GCN1: variants seen among roughly 807,000 people sequenced by gnomAD.
The protein encoded by GCN1 is stalled ribosome sensor GCN1.
A neutral mutation model predicts 288.4 loss-of-function variants in GCN1; 90 were observed. That is an observed-to-expected ratio of 0.31 (90% CI 0.26 to 0.37). The LOEUF is 0.37. Ranked by LOEUF, GCN1 falls within the 10% of genes least tolerant of loss-of-function variation. The pLI is 1.00. For missense variants in GCN1, 2,586 were observed against 3,419.9 expected (o/e 0.76, Z 6.08); for synonymous variants, 1,386 against 1,420.2 (o/e 0.98, Z 0.54).
chr12:120,175,126 C>CA (rs58560211), intron 12 of GCN1, 36 bp downstream of exon 12: 42,796 of 1,055,922 alleles, frequency 0.041, 96 homozygotes, highest in South Asian at 0.046. Context: ...GACTTTCTCT[C>CA]AAAAAAAAAA....
intron 2 of GCN1, 81 bp downstream of exon 2, chr12:120,190,215 ACT>A (rs1270182294): frequency 5.5e-6 from 4 of 730,788 alleles, no homozygotes; most frequent in Non-Finnish European, 9.0e-6. Context: ...ACAGTGAGAG[ACT>A]CTGTCTCAAA....
rs143029304 is a variant in GCN1 at position 120,149,903 on chromosome 12, G to A, written c.4431+19C>T. ...CATAAAGTTTCCATGCTGTTCTCCC[G>A]AGCAGTCCGGGGACTTACCTCACGC... On this transcript the variant is annotated intron_variant, in intron 35 of 57. Coordinates refer to ENST00000300648, the MANE Select transcript of GCN1 (RefSeq NM_006836.2). 6.2e-4 allele frequency: 1,003 copies of A among 1,613,920 alleles called. 3 individuals carry two copies. The African/African-American group carries it at 0.012, about 19-fold the overall frequency.
intron 7 of GCN1, among the ~76,000 whole-genome samples, chr12:120,178,195 G>A (rs1260599360): frequency 3.3e-5 from 5 of 152,164 alleles, no homozygotes; most frequent in African/African-American, 7.2e-5. Context: ...TTCCGTTGTG[G>A]AGTCTCACGA....
At chr12:120,181,465 C>CAAAAAAAAAAAAAAA (rs71072594) in intron 5 of GCN1, among the ~76,000 whole-genome samples, 1 of 74,040 alleles carries the variant, frequency 1.4e-5, no homozygotes, top group Non-Finnish European at 2.5e-5. Flanking sequence ...ATCTTTGTCT[C>CAAAAAAAAAAAAAAA]AAAAAAAAAA....
At chr12:120,143,475 G>A (rs751879199) in intron 42 of GCN1, among the ~76,000 whole-genome samples, 72 of 152,148 alleles carry the variant, frequency 4.7e-4, no homozygotes, top group Non-Finnish European at 8.5e-4. Flanking sequence ...CCAGCTACTC[G>A]GAAGGCTGAG....
Position 120,158,533 on chromosome 12 carries a change from C to T in GCN1, c.2832G>A (p.Ser944=), listed in dbSNP as rs114058958. The T allele has an allele frequency of 5.3e-4, 850 of 1,592,412 alleles. 5 individuals carry two copies. In the African/African-American group the frequency reaches 0.01, roughly 19 times the overall value. ...LDKSWCQEEL[S]VAVKRAVMLL... Reference sequence around the variant, plus strand: ...GCATCACCGCCCTCTTCACAGCCACCGACAGCTCTTCCTGGCACCAGGACT... The same window carrying T: ...GCATCACCGCCCTCTTCACAGCCACTGACAGCTCTTCCTGGCACCAGGACT... Residue 944 remains serine, a synonymous_variant, in exon 25 of 58, where the codon TCG becomes TCA. Coordinates refer to ENST00000300648, the MANE Select transcript of GCN1 (RefSeq NM_006836.2). This position sits in a 1 kb window ranked among gnomAD's most constrained non-coding sequence, Gnocchi z 4.3.
At chr12:120,174,571 T>G (rs1878416900) in intron 12 of GCN1, among the ~76,000 whole-genome samples, 1 of 151,886 alleles carries the variant, frequency 6.6e-6, no homozygotes, top group African/African-American at 2.4e-5. Flanking sequence ...GGCAGGTGCA[T>G]CATGAGGTCA....
At chr12:120,157,159 C>A in intron 26 of GCN1, 167 bp from the exon 27 acceptor site, 1 of 536,442 alleles carries the variant, frequency 1.9e-6, no homozygotes, top group Non-Finnish European at 3.3e-6. Flanking sequence ...AGGTGCTAAC[C>A]CCAGTCAACC....
At chr12:120,178,994 C>CT in intron 5 of GCN1, 44 bp from the exon 6 acceptor site, 1 of 1,504,254 alleles carries the variant, frequency 6.6e-7, no homozygotes, top group South Asian at 1.1e-5. Context: ...GGACATGAGA[C>CT]TGAGGGTCCC....
At chr12:120,149,291 G>A (rs1464875632) in intron 36 of GCN1, among the ~76,000 whole-genome samples, 1 of 152,094 alleles carries the variant, frequency 6.6e-6, no homozygotes, top group Non-Finnish European at 1.5e-5. Flanking sequence ...GGAGGCCAAG[G>A]CAGGAGGGTC....
chr12:120,163,030 T>TA (rs1282286202), intron 19 of GCN1, 40 bp downstream of exon 19: 1 of 1,613,420 alleles, frequency 6.2e-7, no homozygotes, highest in African/African-American at 1.3e-5. Context: ...CCCCATCCCC[T>TA]AAAGCTCTGG....
chr12:120,179,462 C>T lies in GCN1; in HGVS notation c.427-512G>A, dbSNP rs1216206276. ...TCGCCCAGGCTGGAGTGCAGTGGTG[C>T]GATCTCAGCTCACTGCAAGCTCCGC... is the stretch of plus-strand genomic sequence containing the variant. On this transcript the variant is annotated intron_variant, in intron 5 of 57. Coordinates refer to ENST00000300648, the MANE Select transcript of GCN1 (RefSeq NM_006836.2). 4.7e-5 allele frequency among the ~76,000 whole-genome samples: 7 copies of T among 149,116 alleles called. No homozygotes were observed. The Admixed American group carries it at 4.7e-4, about 10-fold the overall frequency.
At chr12:120,149,378 A>G (rs1413877448) in intron 36 of GCN1, among the ~76,000 whole-genome samples, 1 of 152,164 alleles carries the variant, frequency 6.6e-6, no homozygotes, top group Non-Finnish European at 1.5e-5. Flanking sequence ...TACAAAAATT[A>G]GCCAGGTGTA....
intron 16 of GCN1, 36 bp from the exon 17 acceptor site, chr12:120,164,757 A>G (rs879129877): frequency 7.0e-7 from 1 of 1,423,730 alleles, no homozygotes. Context: ...GTGTTTTTAA[A>G]ATAGTTAAGT....
chr12:120,179,377 C>T (rs1258501757), intron 5 of GCN1, among the ~76,000 whole-genome samples: 12 of 149,854 alleles, frequency 8.0e-5, no homozygotes, highest in African/African-American at 2.7e-4. Flanking sequence ...ACTACAGGTG[C>T]GTGCCACCAT....
rs149370531 is a variant in GCN1, at chr12:120,191,295, C to A, written c.19-895G>T. On this transcript the variant is annotated intron_variant, in intron 1 of 57. Transcript: ENST00000300648. Reference sequence around the variant, plus strand: ...GGTCTATAAACTGATGCTAACAAATCTTTAGCTTTCAACAGCCATCGAGTT... The same window carrying A: ...GGTCTATAAACTGATGCTAACAAATATTTAGCTTTCAACAGCCATCGAGTT... 1.1e-3 allele frequency among the ~76,000 whole-genome samples: 165 copies of A among 152,338 alleles called. 2 individuals carry two copies. The East Asian group carries it at 0.027, about 25-fold the overall frequency.
intron 5 of GCN1, among the ~76,000 whole-genome samples, chr12:120,182,713 G>A (rs1038535205): frequency 1.9e-4 from 29 of 152,242 alleles, no homozygotes; most frequent in South Asian, 1.0e-3. Flanking sequence ...CAAGGCAGGC[G>A]GATCATCTGA....
At chr12:120,169,023 C>T (rs1184935828) in intron 15 of GCN1, among the ~76,000 whole-genome samples, 1 of 152,120 alleles carries the variant, frequency 6.6e-6, no homozygotes, top group African/African-American at 2.4e-5. Context: ...TGGCCGGGCG[C>T]AGTGGCTCAC....
rs1877243010 is a variant in GCN1, at chr12:120,142,834, T to C, written c.5603A>G (p.Gln1868Arg). 3 of 1,610,718 alleles carry C rather than the reference T, an allele frequency of 1.9e-6. No individual in the cohort carries two copies. Among genetic ancestry groups the C allele is most frequent in the Non-Finnish European group, 2.5e-6 (3 of 1,176,934 alleles). Residue 1868 changes from glutamine to arginine, a missense_variant, in exon 43 of 58, where the codon CAG (glutamine) becomes CGG (arginine). Coordinates refer to ENST00000300648, the MANE Select transcript of GCN1 (RefSeq NM_006836.2). This position sits in a 1 kb window ranked among gnomAD's most constrained non-coding sequence, Gnocchi z 4.9. ...ASEDDNFGTA[Q>R]SNKAIITALG... ...AGCCACTGCAGGCACCTTGTTGGAC[T>C]GGGCAGTTCCAAAGTTATCATCCTC...
Sources: allele counts gnomAD v4.1 joint callset (sites outside exome capture counted in the v4.1 genomes callset), GRCh38; gene constraint gnomAD v4.1.1; non-coding constraint Gnocchi (gnomAD v3.1); transcripts MANE v1.5; gene names NCBI Gene and HGNC (gene_info 2026-07-23, HGNC 2026-07-21).